Variants in MAP2 observed in about 807,000 individuals in gnomAD.
MAP2 encodes microtubule associated protein 2, also known as microtubule-associated protein 2.
MAP2 carries 14 observed loss-of-function variants against 137.6 expected under a neutral mutation model. The observed-to-expected ratio is 0.10, with a 90% CI of 0.07 to 0.16. The LOEUF is 0.16. Ranked by LOEUF, MAP2 falls within the 10% of genes least tolerant of loss-of-function variation. The pLI is 1.00. For synonymous variants in MAP2, 786 were observed against 782.3 expected (o/e 1.00, Z -0.08); for missense variants, 2,088 against 2,191.5 (o/e 0.95, Z 0.94).
intron 2 of MAP2, among the ~76,000 whole-genome samples, chr2:209,550,258 G>A (rs918845667): frequency 6.6e-6 from 1 of 152,054 alleles, no homozygotes; most frequent in Admixed American, 6.6e-5. Context: ...TCAAAACATT[G>A]AAGCGGTTCA....
At chr2:209,536,157 C>T (rs1365942696) in intron 2 of MAP2, among the ~76,000 whole-genome samples, 1 of 152,092 alleles carries the variant, frequency 6.6e-6, no homozygotes, top group Admixed American at 6.5e-5. Flanking sequence ...TGTTTATTCT[C>T]CTAAACATTT....
In MAP2 at chr2:209,733,130, G is replaced by A. The variant is rs1314922405; in HGVS notation, c.*2733G>A. The A allele has an allele frequency of 6.6e-6, 1 of 152,560 alleles. No individual in the cohort carries two copies. Among genetic ancestry groups the A allele is most frequent in the Non-Finnish European group, 1.5e-5 (1 of 68,036 alleles). 9.5% of individuals were successfully genotyped at this position (152,560 alleles called of 1,614,324 possible). ...GTTTCTCTCTGGCTTTAGCCTTTGA[G>A]AACCTGTATAAGAATACGTAAGTAA... On this transcript the variant is annotated 3_prime_UTR_variant, in exon 16 of 16. Coordinates refer to ENST00000682079, the MANE Select transcript of MAP2 (RefSeq NM_001375505.1).
At chr2:209,568,991 T>C (rs2073955612) in intron 2 of MAP2, among the ~76,000 whole-genome samples, 1 of 151,852 alleles carries the variant, frequency 6.6e-6, no homozygotes, top group South Asian at 2.1e-4. Context: ...TTAGGTTATA[T>C]GTAAGATAAA....
At chr2:209,584,507 TG>T (rs2077233695) in intron 3 of MAP2, among the ~76,000 whole-genome samples, 1 of 152,154 alleles carries the variant, frequency 6.6e-6, no homozygotes, top group Admixed American at 6.6e-5. Flanking sequence ...CTTAATACAT[TG>T]GGAGATGGCT....
chr2:209,705,529 T>C, intron 11 of MAP2, 51 bp from the exon 12 acceptor site: 1 of 1,484,274 alleles, frequency 6.7e-7, no homozygotes, highest in South Asian at 1.4e-5. Flanking sequence ...TCACTTCGTA[T>C]AAATTAAAGA....
intron 2 of MAP2, among the ~76,000 whole-genome samples, chr2:209,572,604 A>G (rs2074577739): frequency 1.3e-5 from 2 of 152,148 alleles, no homozygotes; most frequent in South Asian, 2.1e-4. Flanking sequence ...ACAAGCTAAC[A>G]AATCTAGTCC....
intron 1 of MAP2, among the ~76,000 whole-genome samples, chr2:209,478,739 T>G (rs977182312): frequency 6.6e-6 from 1 of 152,242 alleles, no homozygotes; most frequent in African/African-American, 2.4e-5. Context: ...TCCGCATTTT[T>G]ATTTTGTTGA....
At chr2:209,541,231 T>C (rs1468720112) in intron 2 of MAP2, among the ~76,000 whole-genome samples, 1 of 151,110 alleles carries the variant, frequency 6.6e-6, no homozygotes, top group Non-Finnish European at 1.5e-5. Flanking sequence ...GGTTTCACCA[T>C]GTTGGACAGG....
At chr2:209,568,346 A>G (rs921904609) in intron 2 of MAP2, among the ~76,000 whole-genome samples, 13 of 152,016 alleles carry the variant, frequency 8.6e-5, no homozygotes, top group African/African-American at 3.1e-4. Context: ...TATTGTATTT[A>G]TTAAACCATC....
intron 2 of MAP2, among the ~76,000 whole-genome samples, chr2:209,565,627 C>T (rs2073232341): frequency 6.6e-6 from 1 of 152,076 alleles, no homozygotes; most frequent in Admixed American, 6.6e-5. Flanking sequence ...TATCCTTATC[C>T]AAAGTTTTTT....
chr2:209,633,049 C>T (rs1395935419), intron 4 of MAP2, among the ~76,000 whole-genome samples: 2 of 152,178 alleles, frequency 1.3e-5, no homozygotes, highest in Non-Finnish European at 2.9e-5. Context: ...GCAGCTGTTT[C>T]TGGACAATCT....
intron 1 of MAP2, among the ~76,000 whole-genome samples, chr2:209,439,612 TGAGA>T (rs1265025729): frequency 2.6e-5 from 4 of 151,360 alleles, no homozygotes; most frequent in African/African-American, 7.3e-5. Context: ...TCTCAGGAAG[TGAGA>T]GAGAGTGAAC....
At position 209,486,373 on chromosome 2, in the gene MAP2, G is replaced by A. The variant is rs183939541; in HGVS notation, c.-221-21219G>A. ...TGAGTAGCTGGGACTACCGGAGTGC[G>A]CCACCATGCCCAGCTAGTTTTTTGT... is the stretch of plus-strand genomic sequence containing the variant. On this transcript the variant is annotated intron_variant, in intron 1 of 15. Transcript: ENST00000682079. Among the ~76,000 whole-genome samples the A allele has an allele frequency of 7.2e-5, 11 of 152,050 alleles. No individual in the cohort carries two copies. The East Asian group carries it at 1.2e-3, about 16-fold the overall frequency.
intron 1 of MAP2, among the ~76,000 whole-genome samples, chr2:209,448,130 A>T (rs1159766232): frequency 6.6e-6 from 1 of 152,134 alleles, no homozygotes. Flanking sequence ...CTACTGTCCT[A>T]CAACAGCATT....
At chr2:209,481,160 TTC>T (rs1164805266) in intron 1 of MAP2, among the ~76,000 whole-genome samples, 4 of 152,226 alleles carry the variant, frequency 2.6e-5, no homozygotes, top group Admixed American at 1.3e-4. Context: ...TACTGAATGT[TTC>T]CTGGGATAAA....
intron 1 of MAP2, among the ~76,000 whole-genome samples, chr2:209,442,240 TTGA>T (rs1697973033): frequency 6.6e-6 from 1 of 151,532 alleles, no homozygotes; most frequent in Non-Finnish European, 1.5e-5. Context: ...AAATAAAATG[TTGA>T]TGAGGAAAGG....
In MAP2 at chr2:209,554,030, G is replaced by A. The variant is rs375760623; in HGVS notation, c.-171-26006G>A. 5.9e-5 allele frequency among the ~76,000 whole-genome samples: 9 copies of A among 152,260 alleles called. No individual in the cohort carries two copies. In the East Asian group the frequency reaches 1.5e-3, roughly 26 times the overall value. On this transcript the variant is annotated intron_variant, in intron 2 of 15. Coordinates refer to ENST00000682079, the MANE Select transcript of MAP2 (RefSeq NM_001375505.1). Reference sequence around the variant, plus strand: ...GGGAGCTGGGTCCAGCATATACACCGTGGACAAGGGATCCAATGGGTGTGT... The same window carrying A: ...GGGAGCTGGGTCCAGCATATACACCATGGACAAGGGATCCAATGGGTGTGT...
chr2:209,697,119 T>C, intron 10 of MAP2, 68 bp downstream of exon 10: 1 of 1,416,678 alleles, frequency 7.1e-7, no homozygotes, highest in African/African-American at 1.4e-5. Flanking sequence ...ATCTCATTAC[T>C]GTAGCAGCTT....
chr2:209,683,836 G>T (rs552930996), intron 7 of MAP2, among the ~76,000 whole-genome samples: 1 of 152,068 alleles, frequency 6.6e-6, no homozygotes, highest in Non-Finnish European at 1.5e-5. Flanking sequence ...TTAATTCAGC[G>T]ATTTTGAGGA....
Sources: gnomAD v4.1 joint callset for allele counts (sites outside exome capture counted in the v4.1 genomes callset) on GRCh38, gnomAD v4.1.1 for gene constraint, MANE v1.5 for transcripts, NCBI Gene and HGNC (gene_info 2026-07-23, HGNC 2026-07-21) for gene names.